The following SPATA13 variants were observed in gnomAD, a reference collection of about 807,000 sequenced individuals.
The protein encoded by SPATA13 is spermatogenesis associated 13.
A neutral mutation model predicts 104.0 loss-of-function variants in SPATA13; 50 were observed. The observed-to-expected ratio is 0.48, with a 90% confidence interval of 0.38 to 0.61. The LOEUF (loss-of-function observed/expected upper bound fraction) is 0.61. Ranked by LOEUF, SPATA13 falls within the 20% of genes least tolerant of loss-of-function variation. SPATA13 has a pLI of 0.00. For synonymous variants in SPATA13, 606 were observed against 667.5 expected, an observed-to-expected ratio of 0.91 and a Z score of 1.42; for missense variants, 1,524 against 1,690.6, an observed-to-expected ratio of 0.90 and a Z score of 1.73.
chr13:23,999,368 C>CAAAAAAAA (rs34668799), intron 2 of SPATA13, among the ~76,000 whole-genome samples: 4,892 of 93,910 alleles, frequency 0.052, 812 homozygotes, highest in Non-Finnish European at 0.064. Context: ...CATTTTCTAC[C>CAAAAAAAA]AAAAAAAAAA....
chr13:24,037,180 A>G (rs1566080985), intron 3 of SPATA13, among the ~76,000 whole-genome samples: 2 of 130,626 alleles, frequency 1.5e-5, no homozygotes, highest in Non-Finnish European at 3.1e-5. Context: ...AGGAAGGGGA[A>G]CATCACACAT....
intron 3 of SPATA13, among the ~76,000 whole-genome samples, chr13:24,145,850 G>T (rs1189653655): frequency 2.0e-5 from 3 of 152,238 alleles, no homozygotes; most frequent in African/African-American, 7.2e-5. Context: ...GGCGGAGACA[G>T]AGCACAGCTG....
intron 2 of SPATA13, among the ~76,000 whole-genome samples, chr13:24,227,500 T>G (rs542853321): frequency 1.3e-5 from 2 of 152,336 alleles, no homozygotes; most frequent in African/African-American, 2.4e-5. Context: ...TAAAGGTGCG[T>G]GCACATGTTG....
chr13:23,993,153 G>A (rs759538222), intron 2 of SPATA13, among the ~76,000 whole-genome samples: 9 of 152,014 alleles, frequency 5.9e-5, no homozygotes, highest in African/African-American at 1.7e-4. Flanking sequence ...GGCGAAGGTC[G>A]TGGACAGAGT....
At chr13:24,140,000 G>A (rs933460952) in intron 3 of SPATA13, among the ~76,000 whole-genome samples, 8 of 151,768 alleles carry the variant, frequency 5.3e-5, no homozygotes, top group Non-Finnish European at 1.2e-4. Flanking sequence ...CCCGGGAGGC[G>A]GAGCTTGGCA....
intron 4 of SPATA13, among the ~76,000 whole-genome samples, chr13:24,277,973 G>A (rs986944412): frequency 6.6e-6 from 1 of 152,078 alleles, no homozygotes; most frequent in Non-Finnish European, 1.5e-5. Flanking sequence ...TAACTTTAAG[G>A]GACTTTAAAA....
At chr13:24,209,543 T>C (rs551788107) in intron 1 of SPATA13, among the ~76,000 whole-genome samples, 100 of 152,180 alleles carry the variant, frequency 6.6e-4, no homozygotes, top group Non-Finnish European at 1.3e-3. Flanking sequence ...GCCTGGCTCA[T>C]TTCACTCAGC....
chr13:24,137,077 G>A lies in SPATA13; in HGVS notation c.-111-85742G>A, dbSNP rs1232059015. On this transcript the variant is annotated intron_variant, in intron 3 of 14. Coordinates refer to the SPATA13 transcript ENST00000424834. The stretch of plus-strand genomic sequence containing the variant: ...AATCTCCTGACCTCGTGATCCGCCC[G>A]CCTCGGCCTCCCAAAGTGCTGGGAT... Among the ~76,000 whole-genome samples the A allele has an allele frequency of 5.6e-5, 2 of 35,430 alleles. 1 individual carries two copies. The highest frequency in any genetic ancestry group is 1.3e-4 in the Non-Finnish European group (2 of 15,800). 23.2% of individuals were successfully genotyped at this position (35,430 alleles called of 152,430 possible). A position where few individuals can be genotyped will look rare whatever the true frequency, so the allele number is the denominator to read the frequency against.
intron 9 of SPATA13, 40 bp from the exon 10 acceptor site, chr13:24,294,699 G>T (rs1274064709): frequency 1.3e-6 from 2 of 1,559,288 alleles, no homozygotes; most frequent in Non-Finnish European, 1.8e-6. Context: ...CATTTGTAAG[G>T]TGCATGTTAT....
intron 12 of SPATA13, among the ~76,000 whole-genome samples, chr13:24,301,800 C>T (rs1311635484): frequency 1.3e-5 from 2 of 152,174 alleles, no homozygotes; most frequent in Non-Finnish European, 2.9e-5. Context: ...TCTAAATTAC[C>T]TCTGCACAGA....
chr13:24,154,614 A>G (rs1218163769), intron 3 of SPATA13, among the ~76,000 whole-genome samples: 1 of 152,250 alleles, frequency 6.6e-6, no homozygotes, highest in Admixed American at 6.5e-5. Context: ...GATGTGGAAC[A>G]AAGCACCACA....
chr13:24,261,084 C>T (rs958170266), intron 4 of SPATA13, among the ~76,000 whole-genome samples: 25 of 152,266 alleles, frequency 1.6e-4, no homozygotes, highest in Non-Finnish European at 3.1e-4. Context: ...GAGGACAGAG[C>T]CTGGGCAACT....
intron 3 of SPATA13, among the ~76,000 whole-genome samples, chr13:24,149,531 G>A (rs1882034905): frequency 1.3e-5 from 2 of 152,222 alleles, no homozygotes; most frequent in South Asian, 4.1e-4. Context: ...GTTGACTCTA[G>A]TGTTCATTAG....
rs1876156739 is a variant in SPATA13, at chr13:24,289,087, A to G, written c.2756A>G (p.Lys919Arg). 6.2e-7 allele frequency: 1 copy of G among 1,614,024 alleles called. No individual in the cohort carries two copies. Among genetic ancestry groups the G allele is most frequent in the Non-Finnish European group, 8.5e-7 (1 of 1,179,980 alleles). The part of the protein sequence containing the change: ...TIFGNIEDIY[K>R]FQRKFLKDLE... ...TTTGGAAACATTGAAGATATTTACA[A>G]ATTCCAAAGAAAGTTTCTGAAAGAC... Residue 919 changes from lysine to arginine, a missense_variant, in exon 8 of 13, where the codon AAA becomes AGA. Lys to Arg is a conservative substitution (Grantham distance 26). Around this residue, in one of 2 missense-constraint regions of SPATA13, gnomAD observed 435 missense variants for 554.8 expected, o/e 0.78. Transcript: ENST00000382108.
At position 24,288,944 on chromosome 13, in the gene SPATA13, T is replaced by C. The variant is rs573619746; in HGVS notation, c.2668-55T>C. The C allele has an allele frequency of 6.7e-6, 10 of 1,497,678 alleles. No individual in the cohort carries two copies. In the African/African-American group the frequency reaches 1.3e-4, roughly 19 times the overall value. The allele number at this position is 1,497,678 out of a possible 1,614,324, so 92.8% of individuals were successfully genotyped here. A position where few individuals can be genotyped will look rare whatever the true frequency, so the allele number is the denominator to read the frequency against. On this transcript the variant is annotated intron_variant, in intron 7 of 12. Transcript: ENST00000382108. ...CTTTAGGCCTACAAAAGCTGTACTATTCAAATAATTTATTTGGATTTCCAA... is the reference window on the plus strand; with the variant it reads ...CTTTAGGCCTACAAAAGCTGTACTACTCAAATAATTTATTTGGATTTCCAA...
intron 3 of SPATA13, among the ~76,000 whole-genome samples, chr13:24,108,095 G>A (rs948205291): frequency 6.6e-6 from 1 of 152,206 alleles, no homozygotes; most frequent in Non-Finnish European, 1.5e-5. Flanking sequence ...CCTTGCTGCT[G>A]TGCCCTCTGG....
At chr13:24,256,239 G>C (rs192681457) in intron 4 of SPATA13, among the ~76,000 whole-genome samples, 3 of 152,130 alleles carry the variant, frequency 2.0e-5, no homozygotes, top group African/African-American at 7.2e-5. Flanking sequence ...TTGGTAAATG[G>C]ATATAAAAAT....
intron 3 of SPATA13, among the ~76,000 whole-genome samples, chr13:24,134,050 G>A (rs1881476476): frequency 6.6e-6 from 1 of 152,132 alleles, no homozygotes; most frequent in South Asian, 2.1e-4. Flanking sequence ...GGGAGGTGGG[G>A]AGCAGGTAGG....
intron 2 of SPATA13, among the ~76,000 whole-genome samples, chr13:24,239,426 G>A (rs902894154): frequency 5.9e-5 from 9 of 152,124 alleles, no homozygotes; most frequent in Non-Finnish European, 1.0e-4. Context: ...TGGGTATGGT[G>A]GCTCACACCT....
Sources: gnomAD v4.1 joint callset for allele counts (sites outside exome capture counted in the v4.1 genomes callset) on GRCh38, gnomAD v4.1.1 for gene constraint, gnomAD v4.1.1 regional missense constraint, MANE v1.5 for transcripts, NCBI Gene and HGNC (gene_info 2026-07-23, HGNC 2026-07-21) for gene names.